CSMD1: variants seen among roughly 807,000 people sequenced by gnomAD.
CSMD1 encodes the protein CUB and Sushi multiple domains 1.
In CSMD1, 213 loss-of-function variants were observed where a neutral mutation model predicts 417.5. The ratio of observed to expected loss-of-function variants is 0.51; its 90% CI spans 0.46 to 0.57. The LOEUF (loss-of-function observed/expected upper bound fraction) is 0.57, where lower values mean the gene tolerates loss of function less well. Ranked by LOEUF, CSMD1 falls within the 20% of genes least tolerant of loss-of-function variation. CSMD1 has a pLI of 0.00. For synonymous variants in CSMD1, 2,862 were observed against 1,736.8 expected (o/e 1.65, Z -16.11); for missense variants, 6,923 against 4,529.7 (o/e 1.53, Z -15.17).
chr8:4,038,019 G>A (rs538372396), intron 3 of CSMD1, among the ~76,000 whole-genome samples: 1 of 151,924 alleles, frequency 6.6e-6, no homozygotes, highest in Admixed American at 6.6e-5. Flanking sequence ...TCCCACACTT[G>A]GTAAAAAGTG....
intron 5 of CSMD1, among the ~76,000 whole-genome samples, chr8:3,803,768 T>G (rs746131857): frequency 1.3e-5 from 2 of 152,146 alleles, no homozygotes; most frequent in African/African-American, 2.4e-5. Flanking sequence ...CTGAAGTAAT[T>G]TGAGTAACAT....
chr8:4,255,985 C>A (rs1039256284), intron 3 of CSMD1, among the ~76,000 whole-genome samples: 5 of 152,180 alleles, frequency 3.3e-5, no homozygotes, highest in African/African-American at 1.2e-4. Context: ...AATACGACTA[C>A]GTGCAGGGTA....
chr8:4,756,734 A>G (rs908542165), intron 1 of CSMD1, among the ~76,000 whole-genome samples: 3 of 152,212 alleles, frequency 2.0e-5, no homozygotes, highest in African/African-American at 4.8e-5. Flanking sequence ...GTTACAGGAA[A>G]CAGGTAAAAT....
At chr8:4,281,777 T>C (rs1435863732) in intron 3 of CSMD1, among the ~76,000 whole-genome samples, 1 of 152,214 alleles carries the variant, frequency 6.6e-6, no homozygotes, top group African/African-American at 2.4e-5. Flanking sequence ...AGGAATAAAG[T>C]GATAACTGTA....
chr8:4,425,519 G>T (rs997792647), intron 2 of CSMD1, among the ~76,000 whole-genome samples: 2 of 152,042 alleles, frequency 1.3e-5, no homozygotes, highest in African/African-American at 4.8e-5. Context: ...CACTGGCTGC[G>T]AGTAAGGAAT....
At chr8:3,143,845 A>G (rs1563082940) in intron 40 of CSMD1, among the ~76,000 whole-genome samples, 1 of 152,232 alleles carries the variant, frequency 6.6e-6, no homozygotes, top group African/African-American at 2.4e-5. Flanking sequence ...AAGTGCATAA[A>G]AATATTCACA....
intron 4 of CSMD1, among the ~76,000 whole-genome samples, chr8:4,020,244 C>T (rs1353241990): frequency 6.6e-6 from 1 of 152,190 alleles, no homozygotes; most frequent in African/African-American, 2.4e-5. Context: ...CAAAGACACA[C>T]AGTGTCCAAT....
intron 21 of CSMD1, among the ~76,000 whole-genome samples, chr8:3,354,926 T>A (rs1347283066): frequency 6.6e-6 from 1 of 151,208 alleles, no homozygotes; most frequent in African/African-American, 2.4e-5. Context: ...TGTCTATCTA[T>A]AGATATAGAT....
intron 15 of CSMD1, among the ~76,000 whole-genome samples, chr8:3,403,809 G>C (rs552456656): frequency 1.3e-5 from 2 of 152,126 alleles, no homozygotes; most frequent in Non-Finnish European, 2.9e-5. Context: ...CACCACATGT[G>C]TATATATTTA....
chr8:4,246,258 A>G (rs544311675), intron 3 of CSMD1, among the ~76,000 whole-genome samples: 1 of 151,972 alleles, frequency 6.6e-6, no homozygotes, highest in African/African-American at 2.4e-5. Context: ...TTACTTATAC[A>G]TGATAACTTG....
intron 1 of CSMD1, among the ~76,000 whole-genome samples, chr8:4,932,286 G>T (rs1049826814): frequency 2.6e-5 from 4 of 151,398 alleles, no homozygotes; most frequent in African/African-American, 9.7e-5. Flanking sequence ...ACATAAAATT[G>T]TCTTAAAAAG....
At chr8:3,329,261 C>T (rs1232710048) in intron 23 of CSMD1, among the ~76,000 whole-genome samples, 1 of 152,054 alleles carries the variant, frequency 6.6e-6, no homozygotes, top group Admixed American at 6.6e-5. Flanking sequence ...CAAAAGTGAA[C>T]CCTATAAGAC....
rs569846116 is a variant in CSMD1, at chr8:4,989,797, C to G, written c.85+4535G>C. ...AACGTCTTCACTGGGTTTGCTGTAT[C>G]GTCTGCTTATAAGCACGAACCAGCC... On this transcript the variant is annotated intron_variant, in intron 1 of 69. Transcript: ENST00000635120. 3.3e-3 allele frequency among the ~76,000 whole-genome samples: 500 copies of G among 152,292 alleles called. 1 individual carries two copies. Among genetic ancestry groups the G allele is most frequent in the South Asian group, 8.3e-3 (40 of 4,826 alleles).
In CSMD1 at chr8:3,087,113, G is replaced by T. The variant is rs769495279; in HGVS notation, c.7458C>A (p.Leu2486=). The T allele has an allele frequency of 3.9e-5, 63 of 1,613,444 alleles. No homozygotes were observed. The highest frequency in any genetic ancestry group is 5.2e-5 in the Non-Finnish European group (61 of 1,179,848). ...NPLGMYQWDS[L]TPLCQAVSCG... ...ATTTCTTACCCTGGCAGAGTGGCGT[G>T]AGGGAGTCCCACTGGTACATGCCAA... Residue 2486 remains leucine, a synonymous_variant, in exon 49 of 70, where the codon CTC becomes CTA. Coordinates refer to ENST00000635120, the MANE Select transcript of CSMD1 (RefSeq NM_033225.6).
intron 5 of CSMD1, among the ~76,000 whole-genome samples, chr8:3,971,739 C>T (rs1408645528): frequency 6.6e-6 from 1 of 152,082 alleles, no homozygotes; most frequent in African/African-American, 2.4e-5. Context: ...ACCACCAAGG[C>T]CGATGCATTT....
chr8:4,793,666 T>C (rs1188533233), intron 1 of CSMD1, among the ~76,000 whole-genome samples: 2 of 152,094 alleles, frequency 1.3e-5, no homozygotes, highest in African/African-American at 4.8e-5. Context: ...TGTTGACGCC[T>C]CTGCTCAGGA....
At chr8:4,168,402 C>T (rs916442846) in intron 3 of CSMD1, among the ~76,000 whole-genome samples, 1 of 151,532 alleles carries the variant, frequency 6.6e-6, no homozygotes, top group Non-Finnish European at 1.5e-5. Flanking sequence ...CTCTCTCTCT[C>T]AATATATATT....
chr8:4,922,199 C>T (rs1019808834), intron 1 of CSMD1, among the ~76,000 whole-genome samples: 25 of 151,820 alleles, frequency 1.6e-4, no homozygotes, highest in African/African-American at 5.8e-4. Flanking sequence ...CGAGTGTGTG[C>T]GTGCATGTCT....
intron 42 of CSMD1, chr8:3,112,816 T>A (rs1816601468): frequency 6.6e-6 from 1 of 152,148 alleles, no homozygotes; most frequent in African/African-American, 2.4e-5. Context: ...ATAACAATAT[T>A]CTATCCATAA....
Sources: allele counts gnomAD v4.1 joint callset (sites outside exome capture counted in the v4.1 genomes callset), GRCh38; gene constraint gnomAD v4.1.1; transcripts MANE v1.5; gene names NCBI Gene and HGNC (gene_info 2026-07-23, HGNC 2026-07-21).